The following PCDHA9 variants were observed in gnomAD, a reference collection of about 807,000 sequenced individuals.
PCDHA9 encodes the protein protocadherin alpha-9.
In PCDHA9, 62 loss-of-function variants were observed where a neutral mutation model predicts 62.0. That is an observed-to-expected ratio of 1.00 (90% confidence interval 0.81 to 1.23). The LOEUF is 1.23. Ranked by LOEUF, PCDHA9 falls within the 50% of genes most tolerant of loss-of-function variation. The pLI, the probability that PCDHA9 is intolerant of heterozygous loss-of-function variation, is 0.00. For synonymous variants in PCDHA9, 557 were observed against 567.6 expected (o/e 0.98, Z 0.27); for missense variants, 1,205 against 1,249.8 (o/e 0.96, Z 0.54).
intron 1 of PCDHA9, chr5:140,853,093 A>T (rs1554146395): frequency 9.0e-6 from 3 of 333,900 alleles, no homozygotes; most frequent in Non-Finnish European, 1.3e-5. Context: ...GTTAGTCAGG[A>T]TGGTCTCGAT....
intron 1 of PCDHA9, chr5:140,884,430 T>C: frequency 1.9e-6 from 3 of 1,613,922 alleles, no homozygotes; most frequent in Non-Finnish European, 2.5e-6. Context: ...TATACTGCGC[T>C]GCGGTGCTCG....
At chr5:140,957,674 T>C (rs2095374808) in intron 1 of PCDHA9, among the ~76,000 whole-genome samples, 1 of 152,084 alleles carries the variant, frequency 6.6e-6, no homozygotes, top group African/African-American at 2.4e-5. Flanking sequence ...AAATTAATTA[T>C]GAAATATCTA....
At chr5:140,958,192 C>G (rs1554223363) in intron 1 of PCDHA9, among the ~76,000 whole-genome samples, 1 of 151,790 alleles carries the variant, frequency 6.6e-6, no homozygotes, top group Non-Finnish European at 1.5e-5. Context: ...TGTTACTGGT[C>G]TAGTATACAA....
chr5:140,933,377 C>A lies in PCDHA9; in HGVS notation c.2395-45572C>A, dbSNP rs910236493. Among the ~76,000 whole-genome samples the A allele has an allele frequency of 3.9e-5, 6 of 151,980 alleles. No homozygotes were observed. In the South Asian group the frequency reaches 1.2e-3, roughly 31 times the overall value. On this transcript the variant is annotated intron_variant, in intron 1 of 3. Transcript: ENST00000532602. ...TTCTAACCCATCCCAAATTCCTTGG[C>A]TGTTCCTAGAGCCATCTGGTTACCA...
intron 1 of PCDHA9, among the ~76,000 whole-genome samples, chr5:140,934,650 T>C (rs2089969846): frequency 6.6e-6 from 1 of 152,134 alleles, no homozygotes; most frequent in East Asian, 1.9e-4. Flanking sequence ...GATAAATGTT[T>C]GATTCTTCCC....
chr5:140,909,255 C>G (rs1583695279), intron 1 of PCDHA9, among the ~76,000 whole-genome samples: 1 of 152,210 alleles, frequency 6.6e-6, no homozygotes, highest in African/African-American at 2.4e-5. Context: ...GCTGGCCTTG[C>G]TGACTGAAGG....
intron 1 of PCDHA9, chr5:140,857,097 T>A: frequency 6.3e-7 from 1 of 1,597,284 alleles, no homozygotes; most frequent in South Asian, 1.1e-5. Context: ...CCTGAGGTGA[T>A]TGTCACTTCT....
chr5:140,970,595 G>C (rs1554232604), intron 1 of PCDHA9, among the ~76,000 whole-genome samples: 1 of 152,098 alleles, frequency 6.6e-6, no homozygotes, highest in African/African-American at 2.4e-5. Context: ...TATGCTTTGT[G>C]ATACTTAAAA....
intron 1 of PCDHA9, chr5:140,929,725 A>G (rs1415397730): frequency 9.2e-6 from 2 of 218,138 alleles, no homozygotes; most frequent in Admixed American, 1.2e-4. Flanking sequence ...TGAAACATTT[A>G]CTTAAACTAT....
chr5:140,934,587 T>C (rs1316719317), intron 1 of PCDHA9, among the ~76,000 whole-genome samples: 1 of 152,176 alleles, frequency 6.6e-6, no homozygotes, highest in Non-Finnish European at 1.5e-5. Flanking sequence ...ATTTCTGTAA[T>C]GGGTCTTCAA....
At chr5:140,975,309 T>C (rs182558596) in intron 1 of PCDHA9, among the ~76,000 whole-genome samples, 161 of 152,342 alleles carry the variant, frequency 1.1e-3, no homozygotes, top group African/African-American at 3.2e-3. Flanking sequence ...CTCATGTGAT[T>C]ATGTCAGTCC....
At chr5:140,923,804 ATCT>A (rs1273575266) in intron 1 of PCDHA9, among the ~76,000 whole-genome samples, 1 of 152,220 alleles carries the variant, frequency 6.6e-6, no homozygotes, top group African/African-American at 2.4e-5. Flanking sequence ...CACAAATGAA[ATCT>A]TCTGAAAATA....
intron 1 of PCDHA9, among the ~76,000 whole-genome samples, chr5:140,881,159 T>A (rs1375537883): frequency 6.6e-6 from 1 of 152,188 alleles, no homozygotes; most frequent in Non-Finnish European, 1.5e-5. Context: ...AAAAGTAAGA[T>A]CCTCTTCCTC....
At chr5:140,856,688 A>T in intron 1 of PCDHA9, 1 of 1,597,342 alleles carries the variant, frequency 6.3e-7, no homozygotes, top group Non-Finnish European at 8.6e-7. Context: ...GTTGACAGCA[A>T]CTGATGGAGG....
intron 1 of PCDHA9, chr5:140,861,361 T>C: frequency 2.8e-6 from 1 of 352,562 alleles, no homozygotes; most frequent in Admixed American, 3.2e-5. Flanking sequence ...CATAGCGTCT[T>C]CGCGGTCCCT....
chr5:141,000,780 A>G (rs2097963386), intron 3 of PCDHA9, among the ~76,000 whole-genome samples: 1 of 151,780 alleles, frequency 6.6e-6, no homozygotes, highest in Admixed American at 6.6e-5. Context: ...AGTGGCGCAC[A>G]CCTGTATTCC....
chr5:140,922,272 G>A (rs547313117), intron 1 of PCDHA9, among the ~76,000 whole-genome samples: 37 of 152,312 alleles, frequency 2.4e-4, no homozygotes, highest in African/African-American at 8.7e-4. Flanking sequence ...ATGAAGATTG[G>A]ACCAAGATAT....
chr5:140,935,985 C>G (rs155825), intron 1 of PCDHA9, among the ~76,000 whole-genome samples: 1 of 150,926 alleles, frequency 6.6e-6, no homozygotes, highest in Admixed American at 6.6e-5. Context: ...CTCTGCCTCC[C>G]GGGTTCAAGC....
chr5:140,883,581 C>T (rs144119560), intron 1 of PCDHA9: 1 of 1,614,018 alleles, frequency 6.2e-7, no homozygotes, highest in Non-Finnish European at 8.5e-7. Flanking sequence ...CTGTGGGCCA[C>T]GGCCAGCGTG....
Sources: gnomAD v4.1 joint callset for allele counts (sites outside exome capture counted in the v4.1 genomes callset) on GRCh38, gnomAD v4.1.1 for gene constraint, MANE v1.5 for transcripts, NCBI Gene and HGNC (gene_info 2026-07-23, HGNC 2026-07-21) for gene names.